Variants in SEMA5B observed in about 807,000 individuals in gnomAD.
SEMA5B encodes the protein semaphorin-5B.
SEMA5B carries 66 observed loss-of-function variants against 135.0 expected under a neutral mutation model. The observed-to-expected ratio is 0.49, with a 90% CI of 0.40 to 0.60. The LOEUF (loss-of-function observed/expected upper bound fraction) is 0.60. SEMA5B is among the 20% of genes least tolerant of loss of function. The pLI, the probability that SEMA5B is intolerant of heterozygous loss-of-function variation, is 0.00. For missense variants in SEMA5B, 1,501 were observed against 1,566.3 expected (o/e 0.96, Z 0.70); for synonymous variants, 690 against 639.5 (o/e 1.08, Z -1.19).
intron 5 of SEMA5B, among the ~76,000 whole-genome samples, chr3:122,929,838 C>T (rs1340702962): frequency 1.3e-5 from 2 of 152,308 alleles, no homozygotes; most frequent in East Asian, 3.9e-4. Context: ...TTCTCACATG[C>T]CCATGGCATT....
rs1940143603 is a variant in SEMA5B, at chr3:122,953,410, T to C, written c.125-4701A>G. Among the ~76,000 whole-genome samples, 4 of 152,180 alleles carry C rather than the reference T, an allele frequency of 2.6e-5. 1 individual carries two copies. In the South Asian group the frequency reaches 8.3e-4, roughly 32 times the overall value. On this transcript the variant is annotated intron_variant, in intron 2 of 22. Coordinates refer to ENST00000357599, the MANE Select transcript of SEMA5B (RefSeq NM_001031702.4). ...ACCCCAGGCCTTAAGGTACCTAAGTTCTGCAGCAGAAGTTCCATTCTCATT... is the reference window on the plus strand; with the variant it reads ...ACCCCAGGCCTTAAGGTACCTAAGTCCTGCAGCAGAAGTTCCATTCTCATT...
At chr3:122,947,799 G>A (rs1435110080) in intron 3 of SEMA5B, among the ~76,000 whole-genome samples, 6 of 152,152 alleles carry the variant, frequency 3.9e-5, no homozygotes, top group Non-Finnish European at 7.3e-5. Context: ...TGCCAAGTAG[G>A]TGGTGGTTCA....
chr3:122,938,456 T>C (rs958208796), intron 5 of SEMA5B, among the ~76,000 whole-genome samples: 2 of 152,206 alleles, frequency 1.3e-5, no homozygotes, highest in Admixed American at 6.5e-5. Flanking sequence ...GCAATGTCCC[T>C]GGGTGTGTGG....
At chr3:122,940,298 C>G (rs1370184860) in intron 4 of SEMA5B, among the ~76,000 whole-genome samples, 1 of 152,210 alleles carries the variant, frequency 6.6e-6, no homozygotes, top group African/African-American at 2.4e-5. Context: ...CATGCACAGA[C>G]AGGGAGAATT....
At chr3:122,944,853 C>A (rs116737845) in intron 3 of SEMA5B, among the ~76,000 whole-genome samples, 1,824 of 152,262 alleles carry the variant, frequency 0.012, 43 homozygotes, top group African/African-American at 0.042. Flanking sequence ...TGGGAATTGG[C>A]AGCAGTAAGG....
chr3:122,956,032 C>T (rs1007333394), intron 2 of SEMA5B, among the ~76,000 whole-genome samples: 5 of 152,200 alleles, frequency 3.3e-5, no homozygotes, highest in Admixed American at 2.6e-4. Flanking sequence ...AGACAGCGAC[C>T]CATGGCCCCG....
chr3:122,953,262 G>C (rs1051799030), intron 2 of SEMA5B, among the ~76,000 whole-genome samples: 1 of 151,602 alleles, frequency 6.6e-6, no homozygotes, highest in Non-Finnish European at 1.5e-5. Flanking sequence ...AGGCCTCTCT[G>C]CCTCCCCGCC....
At chr3:123,022,381 C>T (rs1942703758) in intron 1 of SEMA5B, among the ~76,000 whole-genome samples, 1 of 152,220 alleles carries the variant, frequency 6.6e-6, no homozygotes, top group Non-Finnish European at 1.5e-5. Flanking sequence ...CAAACAAGTT[C>T]CATGCGCAAG....
chr3:122,915,027 C>CT (rs1937992589), intron 14 of SEMA5B, among the ~76,000 whole-genome samples: 1 of 152,220 alleles, frequency 6.6e-6, no homozygotes, highest in Non-Finnish European at 1.5e-5. Flanking sequence ...ATAACCCTCA[C>CT]TAAGAGAAGC....
At chr3:122,943,632 G>A in intron 3 of SEMA5B, 97 bp from the exon 4 acceptor site, 1 of 906,808 alleles carries the variant, frequency 1.1e-6, no homozygotes, top group African/African-American at 1.7e-5. Context: ...AAGTCAGGGG[G>A]AAGTGGGGCG....
chr3:122,945,193 A>T, intron 3 of SEMA5B, among the ~76,000 whole-genome samples: 1 of 152,218 alleles, frequency 6.6e-6, no homozygotes, highest in East Asian at 1.9e-4. Flanking sequence ...CATGATTAAA[A>T]AAAGAAGAAG....
intron 5 of SEMA5B, among the ~76,000 whole-genome samples, chr3:122,936,571 A>G (rs1939296411): frequency 6.6e-6 from 1 of 152,218 alleles, no homozygotes; most frequent in Non-Finnish European, 1.5e-5. Context: ...ATCTGTTGCA[A>G]TTAGGCCTCC....
chr3:122,978,994 G>T (rs957414758), intron 1 of SEMA5B, among the ~76,000 whole-genome samples: 2 of 152,156 alleles, frequency 1.3e-5, no homozygotes, highest in African/African-American at 2.4e-5. Flanking sequence ...CCTGCCCTGT[G>T]AGCCATCGCA....
Position 122,910,910 on chromosome 3 carries a change from G to C in SEMA5B, c.3227C>G (p.Thr1076Ser), listed in dbSNP as rs375930950. 6 of 1,613,710 alleles carry C rather than the reference G, an allele frequency of 3.7e-6. No individual in the cohort carries two copies. Among genetic ancestry groups the C allele is most frequent in the Non-Finnish European group, 5.1e-6 (6 of 1,180,020 alleles). Residue 1076 changes from threonine to serine, a missense_variant, in exon 22 of 23, where the codon ACC becomes AGC. By Grantham distance (58) the Thr-to-Ser change is moderately conservative. This residue lies in a region of SEMA5B where 927 missense variants were observed against 881.6 expected (regional missense o/e 1.05). Transcript: ENST00000357599. ...GCCCTTGTAGTGCAAATGGTTGGGG[G>C]TGGCAGGATGGACCAGTGTGGACTC... is the stretch of plus-strand genomic sequence containing the variant. ...SQESTLVHPA[T>S]PNHLHYKGGG...
At chr3:122,947,335 A>G (rs186997045) in intron 3 of SEMA5B, among the ~76,000 whole-genome samples, 237 of 152,032 alleles carry the variant, frequency 1.6e-3, no homozygotes, top group African/African-American at 5.5e-3. Context: ...ACAGCTGGAA[A>G]CCTTCCTCCC....
At chr3:122,966,566 A>ATTATTATTT (rs1291373854) in intron 1 of SEMA5B, among the ~76,000 whole-genome samples, 3 of 115,884 alleles carry the variant, frequency 2.6e-5, no homozygotes, top group African/African-American at 9.6e-5. Flanking sequence ...TATTATTATT[A>ATTATTATTT]TTTTTTGAGA....
chr3:122,951,396 T>C (rs531349131), intron 2 of SEMA5B, among the ~76,000 whole-genome samples: 1 of 152,344 alleles, frequency 6.6e-6, no homozygotes, highest in South Asian at 2.1e-4. Flanking sequence ...TTTTATATTA[T>C]TTTCATTTGT....
intron 1 of SEMA5B, among the ~76,000 whole-genome samples, chr3:122,961,759 C>T (rs894209198): frequency 4.6e-5 from 7 of 152,130 alleles, no homozygotes; most frequent in African/African-American, 1.2e-4. Context: ...AGACTACAAG[C>T]GTGAGCCACC....
intron 1 of SEMA5B, among the ~76,000 whole-genome samples, chr3:123,019,218 T>C (rs997874170): frequency 6.6e-6 from 1 of 152,188 alleles, no homozygotes; most frequent in Admixed American, 6.5e-5. Flanking sequence ...AAATCCCAGG[T>C]CTACTACTTA....
Sources: gnomAD v4.1 joint callset for allele counts (sites outside exome capture counted in the v4.1 genomes callset) on GRCh38, gnomAD v4.1.1 for gene constraint, gnomAD v4.1.1 regional missense constraint, MANE v1.5 for transcripts, NCBI Gene and HGNC (gene_info 2026-07-23, HGNC 2026-07-21) for gene names.